CHN2: variants seen among roughly 807,000 people sequenced by gnomAD.
CHN2 encodes beta-chimaerin.
CHN2 carries 35 observed loss-of-function variants against 56.3 expected under a neutral mutation model. That is an observed-to-expected ratio of 0.62 (90% CI 0.47 to 0.82). CHN2 has a LOEUF of 0.82. Among genes scored for constraint, CHN2 ranks in the 40% least tolerant of loss-of-function variants. The pLI is 0.00. For missense variants in CHN2, 491 were observed against 580.5 expected (o/e 0.85, Z 1.58); for synonymous variants, 210 against 212.8 (o/e 0.99, Z 0.12).
At chr7:29,227,743 A>G (rs961736040) in intron 1 of CHN2, among the ~76,000 whole-genome samples, 2 of 152,144 alleles carry the variant, frequency 1.3e-5, no homozygotes, top group Non-Finnish European at 2.9e-5. Context: ...TTGAAGTTCT[A>G]TTCCTGACCT....
At chr7:29,231,989 A>G (rs1312593892) in intron 1 of CHN2, among the ~76,000 whole-genome samples, 1 of 152,212 alleles carries the variant, frequency 6.6e-6, no homozygotes, top group Non-Finnish European at 1.5e-5. Flanking sequence ...TTTTCCTTAC[A>G]CAAACAGCAA....
intron 8 of CHN2, among the ~76,000 whole-genome samples, chr7:29,496,857 G>A (rs540769488): frequency 6.6e-6 from 1 of 152,230 alleles, no homozygotes; most frequent in Admixed American, 6.5e-5. Context: ...CTTGTGGCTG[G>A]GAGCAAGACC....
At chr7:29,347,150 TGA>T (rs1271950044) in intron 1 of CHN2, among the ~76,000 whole-genome samples, 9 of 152,242 alleles carry the variant, frequency 5.9e-5, no homozygotes, top group African/African-American at 2.2e-4. Context: ...CCAGTGTTGG[TGA>T]GAGAGGGTGT....
At chr7:29,273,361 A>ATATATATATGTG (rs1314376292) in intron 1 of CHN2, among the ~76,000 whole-genome samples, 4 of 77,758 alleles carry the variant, frequency 5.1e-5, no homozygotes, top group East Asian at 1.3e-3. Context: ...ATATATATAT[A>ATATATATATGTG]TATATATATA....
intron 2 of CHN2, among the ~76,000 whole-genome samples, chr7:29,152,589 C>T (rs1793744295): frequency 6.6e-6 from 1 of 152,122 alleles, no homozygotes; most frequent in Non-Finnish European, 1.5e-5. Context: ...ATATAAATTG[C>T]CTGGGCTTAG....
At chr7:29,161,472 C>G (rs1484796675) in intron 2 of CHN2, among the ~76,000 whole-genome samples, 1 of 152,134 alleles carries the variant, frequency 6.6e-6, no homozygotes, top group Admixed American at 6.5e-5. Context: ...ATCTCGAACC[C>G]CACATTTTTG....
intron 1 of CHN2, among the ~76,000 whole-genome samples, chr7:29,290,499 T>A (rs904870835): frequency 2.6e-5 from 4 of 152,146 alleles, no homozygotes; most frequent in Non-Finnish European, 5.9e-5. Context: ...ACGGCTTAGA[T>A]TCACACACAG....
intron 6 of CHN2, among the ~76,000 whole-genome samples, chr7:29,419,600 T>G (rs1804128844): frequency 6.6e-6 from 1 of 152,072 alleles, no homozygotes; most frequent in Non-Finnish European, 1.5e-5. Context: ...GGGTTTAATA[T>G]CCATAATGTA....
chr7:29,273,505 A>G (rs1216377173), intron 1 of CHN2, among the ~76,000 whole-genome samples: 1 of 150,960 alleles, frequency 6.6e-6, no homozygotes, highest in African/African-American at 2.4e-5. Context: ...ATCTTTTTGA[A>G]GTGATGAGCT....
At chr7:29,160,352 T>C (rs1795007660) in intron 2 of CHN2, among the ~76,000 whole-genome samples, 1 of 152,228 alleles carries the variant, frequency 6.6e-6, no homozygotes, top group African/African-American at 2.4e-5. Context: ...TTCCTGTTCC[T>C]GTATGTGGCT....
At chr7:29,188,175 T>C (rs1018699568) in intron 2 of CHN2, among the ~76,000 whole-genome samples, 4 of 152,358 alleles carry the variant, frequency 2.6e-5, no homozygotes, top group African/African-American at 4.8e-5. Context: ...AGAGGCCACC[T>C]AGAGTTCCTA....
intron 2 of CHN2, among the ~76,000 whole-genome samples, chr7:29,167,738 T>C (rs1341851557): frequency 1.3e-5 from 2 of 152,234 alleles, no homozygotes; most frequent in Non-Finnish European, 2.9e-5. Flanking sequence ...GTGAAAGTCA[T>C]TTGTTTTCCC....
intron 2 of CHN2, among the ~76,000 whole-genome samples, chr7:29,362,980 G>T (rs1207830960): frequency 6.6e-6 from 1 of 152,164 alleles, no homozygotes; most frequent in Non-Finnish European, 1.5e-5. Context: ...ATCACTGTTG[G>T]TTTCAAGAGG....
intron 1 of CHN2, among the ~76,000 whole-genome samples, chr7:29,241,442 G>T (rs1562858251): frequency 6.6e-6 from 1 of 152,006 alleles, no homozygotes; most frequent in Admixed American, 6.6e-5. Context: ...AACTTCTCAA[G>T]GTTCCACCCC....
At chr7:29,179,428 T>C (rs886468530) in intron 2 of CHN2, among the ~76,000 whole-genome samples, 3 of 152,232 alleles carry the variant, frequency 2.0e-5, no homozygotes, top group Admixed American at 6.5e-5. Flanking sequence ...AAACTCAGGC[T>C]GAAGTTTTGC....
At chr7:29,353,473 G>A (rs903689205) in intron 1 of CHN2, among the ~76,000 whole-genome samples, 29 of 152,182 alleles carry the variant, frequency 1.9e-4, no homozygotes, top group South Asian at 6.2e-4. Flanking sequence ...GGCCAACATG[G>A]CGAAATGCCG....
chr7:29,261,673 T>C (rs1293438620), intron 1 of CHN2, among the ~76,000 whole-genome samples: 1 of 152,154 alleles, frequency 6.6e-6, no homozygotes, highest in Non-Finnish European at 1.5e-5. Flanking sequence ...CAGAAAATAT[T>C]TGGGCAGAAC....
chr7:29,211,375 G>A (rs1453982972), intron 1 of CHN2, among the ~76,000 whole-genome samples: 2 of 151,308 alleles, frequency 1.3e-5, no homozygotes, highest in Non-Finnish European at 2.9e-5. Context: ...ACCGCGCCCG[G>A]CCCTGACTGA....
intron 8 of CHN2, 44 bp from the exon 9 acceptor site, chr7:29,499,823 G>C (rs947496815): frequency 2.0e-6 from 3 of 1,499,826 alleles, no homozygotes; most frequent in Non-Finnish European, 2.7e-6. Flanking sequence ...GTTGTGCTTT[G>C]ACAAAAGGGC....
Sources: gnomAD v4.1 joint callset for allele counts (sites outside exome capture counted in the v4.1 genomes callset) on GRCh38, gnomAD v4.1.1 for gene constraint, MANE v1.5 for transcripts, NCBI Gene and HGNC (gene_info 2026-07-23, HGNC 2026-07-21) for gene names.